HMG20A: variants seen among roughly 807,000 people sequenced by gnomAD.
HMG20A encodes the protein high mobility group 20A, also known as high mobility group protein 20A.
A neutral mutation model predicts 43.9 loss-of-function variants in HMG20A; 17 were observed. That is an observed-to-expected ratio of 0.39 (90% CI 0.27 to 0.58). The LOEUF is 0.58. Among genes scored for constraint, HMG20A ranks in the 20% least tolerant of loss-of-function variants. The probability of loss-of-function intolerance (pLI) is 0.59; values close to 1 mark genes in which losing one functional copy is unlikely to be tolerated. For missense variants in HMG20A, 341 were observed against 438.2 expected (o/e 0.78, Z 1.98); for synonymous variants, 132 against 147.5 (o/e 0.89, Z 0.76).
the HMG20A span, among the ~76,000 whole-genome samples, chr15:77,497,707 G>A: frequency 2.0e-5 from 3 of 150,752 alleles, no homozygotes; most frequent in Non-Finnish European, 1.5e-5. Context: ...GTGTGTGTGT[G>A]TGTTGGTGAA....
intron 1 of HMG20A, among the ~76,000 whole-genome samples, chr15:77,449,719 C>G (rs779206517): frequency 1.3e-5 from 2 of 151,732 alleles, no homozygotes; most frequent in African/African-American, 4.9e-5. Context: ...TATATATTCC[C>G]TGTCCCCCCA....
At chr15:77,477,756 A>C in intron 7 of HMG20A, 126 bp downstream of exon 7, 1 of 629,284 alleles carries the variant, frequency 1.6e-6, no homozygotes, top group Non-Finnish European at 2.8e-6. Context: ...AAGACCAGTG[A>C]AGGAAAGCTA....
intron 1 of HMG20A, 46 bp downstream of exon 1, chr15:77,421,050 C>G (rs1393367466): frequency 2.5e-6 from 1 of 398,012 alleles, no homozygotes; most frequent in Non-Finnish European, 4.4e-6. Context: ...TCGAGATGCC[C>G]TTCACCCCTT....
rs766425499 is a variant in HMG20A at position 77,478,488 on chromosome 15, C to A, written c.885C>A (p.Ser295Arg). 6.2e-7 allele frequency: 1 copy of A among 1,610,792 alleles called. No individual in the cohort carries two copies. Among genetic ancestry groups the A allele is most frequent in the Non-Finnish European group, 8.5e-7 (1 of 1,179,980 alleles). The part of the protein sequence containing the change: ...LETLRQVLTS[S>R]FASMPLPGSG... ...CCCTGCGGCAGGTGCTGACCAGCAG[C>A]TTTGCCAGCATGCCCTTGCCTGGTA... Residue 295 changes from serine (S) to arginine (R), a missense_variant, in exon 8 of 10, where the codon AGC becomes AGA. By Grantham distance (110) the Ser-to-Arg change is moderately radical. Around this residue, in one of 3 missense-constraint regions of HMG20A, gnomAD observed 118 missense variants for 154.5 expected, o/e 0.76. Transcript: ENST00000336216.
the HMG20A span, among the ~76,000 whole-genome samples, chr15:77,502,612 T>A: frequency 2.0e-5 from 3 of 152,152 alleles, no homozygotes; most frequent in South Asian, 6.2e-4. Flanking sequence ...AGAGATGGTA[T>A]CTGTTCATCT....
the HMG20A span, among the ~76,000 whole-genome samples, chr15:77,519,491 T>G: frequency 6.6e-6 from 1 of 152,180 alleles, no homozygotes; most frequent in Non-Finnish European, 1.5e-5. Context: ...GGTGGGGCCT[T>G]TTGGAAGTAA....
At chr15:77,476,120 C>T (rs573480551) in intron 6 of HMG20A, among the ~76,000 whole-genome samples, 1 of 152,260 alleles carries the variant, frequency 6.6e-6, no homozygotes, top group South Asian at 2.1e-4. Flanking sequence ...GTCAGATTTC[C>T]CTCTTAAGCT....
the HMG20A span, among the ~76,000 whole-genome samples, chr15:77,506,333 G>A: frequency 6.6e-6 from 1 of 152,018 alleles, no homozygotes. Flanking sequence ...GTCTTTAATG[G>A]GCAGTCCTCC....
the HMG20A span, among the ~76,000 whole-genome samples, chr15:77,519,728 A>T: frequency 6.6e-6 from 1 of 152,190 alleles, no homozygotes; most frequent in African/African-American, 2.4e-5. Flanking sequence ...AAATTACCCA[A>T]TCTAAAGTAT....
chr15:77,481,697 A>C (rs2072906698), intron 9 of HMG20A, among the ~76,000 whole-genome samples: 1 of 152,198 alleles, frequency 6.6e-6, no homozygotes, highest in Non-Finnish European at 1.5e-5. Context: ...CCCCTGAAAA[A>C]ATAGCTAAAA....
At chr15:77,488,459 G>C (rs1270443421), downstream of HMG20A, among the ~76,000 whole-genome samples, 1 of 152,184 alleles carries the variant, frequency 6.6e-6, no homozygotes, top group Non-Finnish European at 1.5e-5. Context: ...ATAATTTTTA[G>C]AGAGTGAAAA....
rs766876084 is a variant in HMG20A, at chr15:77,478,389, A to C, written c.786A>C (p.Thr262=). 31 of 1,613,452 alleles carry C rather than the reference A, an allele frequency of 1.9e-5. No homozygotes were observed. Among genetic ancestry groups the C allele is most frequent in the Non-Finnish European group, 2.5e-5 (30 of 1,180,048 alleles). The change falls in exon 8 of 10, where the codon ACA becomes ACC. Residue 262 remains threonine (T), a synonymous_variant. Transcript: ENST00000336216. Reference sequence around the variant, plus strand: ...AAAAGCACGTGGAGAGCATGCGCACAGCAGTGGAGAAGCTGGAGGTGGATG... The same window carrying C: ...AAAAGCACGTGGAGAGCATGCGCACCGCAGTGGAGAAGCTGGAGGTGGATG... ...ALQKHVESMR[T]AVEKLEVDVI...
At chr15:77,431,328 C>T (rs1354658888) in intron 1 of HMG20A, among the ~76,000 whole-genome samples, 2 of 152,168 alleles carry the variant, frequency 1.3e-5, no homozygotes, top group African/African-American at 4.8e-5. Context: ...TCTCCTGCCT[C>T]AGCCTTCCAA....
At chr15:77,437,506 A>G (rs952808419) in intron 1 of HMG20A, among the ~76,000 whole-genome samples, 8 of 152,186 alleles carry the variant, frequency 5.3e-5, no homozygotes, top group African/African-American at 1.9e-4. Flanking sequence ...CTAAATTGGC[A>G]GTGTGTGCAG....
chr15:77,468,956 T>C (rs898288389), intron 4 of HMG20A, among the ~76,000 whole-genome samples: 4 of 152,122 alleles, frequency 2.6e-5, no homozygotes, highest in Non-Finnish European at 4.4e-5. Flanking sequence ...TTTATAACAT[T>C]GATATTTTTT....
Position 77,458,512 on chromosome 15 carries a change from A to G in HMG20A, c.89+16A>G, listed in dbSNP as rs753234176. 2 of 1,562,302 alleles carry G rather than the reference A, an allele frequency of 1.3e-6. No individual in the cohort carries two copies. Among genetic ancestry groups the G allele is most frequent in the South Asian group, 2.2e-5 (2 of 89,736 alleles). The stretch of plus-strand genomic sequence containing the variant: ...CTACCACTGGGTAAGCAGCTGCTTT[A>G]GGACACTGGACTTCTCCATAGGCCT... On this transcript the variant is annotated intron_variant, in intron 2 of 9. Coordinates refer to ENST00000336216, the MANE Select transcript of HMG20A (RefSeq NM_001304504.2).
the HMG20A span, among the ~76,000 whole-genome samples, chr15:77,492,431 C>T: frequency 6.6e-6 from 1 of 152,122 alleles, no homozygotes; most frequent in Non-Finnish European, 1.5e-5. Context: ...AATTTCCCCC[C>T]ATCCATTATT....
intron 1 of HMG20A, among the ~76,000 whole-genome samples, chr15:77,441,868 A>G (rs2073616734): frequency 6.6e-6 from 1 of 152,188 alleles, no homozygotes; most frequent in African/African-American, 2.4e-5. Context: ...TCTAGTAAGA[A>G]TAAATGCCTC....
the HMG20A span, among the ~76,000 whole-genome samples, chr15:77,509,007 C>G: frequency 6.6e-6 from 1 of 152,180 alleles, no homozygotes; most frequent in African/African-American, 2.4e-5. Context: ...GATCGTGAAC[C>G]TTTTATCTGC....
Sources: gnomAD v4.1 joint callset for allele counts (sites outside exome capture counted in the v4.1 genomes callset) on GRCh38, gnomAD v4.1.1 for gene constraint, gnomAD v4.1.1 regional missense constraint, MANE v1.5 for transcripts, NCBI Gene and HGNC (gene_info 2026-07-23, HGNC 2026-07-21) for gene names.